FGF16: variants seen among roughly 807,000 people sequenced by gnomAD.
The protein encoded by FGF16 is metacarpal 4-5 fusion.
In FGF16, 2 loss-of-function variants were observed where a neutral mutation model predicts 8.5. The observed-to-expected ratio is 0.24, with a 90% CI of 0.10 to 0.75. The LOEUF (loss-of-function observed/expected upper bound fraction) is 0.75. FGF16 is among the 30% of genes least tolerant of loss of function. FGF16 has a pLI of 0.74. For missense variants in FGF16, 79 were observed against 87.4 expected, an observed-to-expected ratio of 0.90 and a Z score of 0.38; for synonymous variants, 33 against 34.6, an observed-to-expected ratio of 0.95 and a Z score of 0.16.
At chrX:77,449,485 C>G (rs1313521702) in intron 1 of FGF16, among the ~76,000 whole-genome samples, 2 of 110,522 alleles carry the variant, frequency 1.8e-5, no homozygotes, top group African/African-American at 6.6e-5. Context: ...CCTGAAATGG[C>G]ATAAAGATAC....
chrX:77,447,531 C>T lies in FGF16; in HGVS notation c.-144C>T. The stretch of plus-strand genomic sequence containing the variant: ...GGACGCGAACAGACGTCGACTGCAG[C>T]TCGGCAGAGCGCGGAGCAAGCGAGC... On this transcript the variant is annotated 5_prime_UTR_variant, in exon 1 of 3. Transcript: ENST00000439435. 1 of 284,485 alleles carries T rather than the reference C, an allele frequency of 3.5e-6. No homozygotes were observed. The highest frequency in any genetic ancestry group is 6.2e-6 in the Non-Finnish European group (1 of 161,980). 23.4% of individuals were successfully genotyped at this position (284,485 alleles called of 1,213,427 possible).
chrX:77,455,887 T>C (rs1468800994), intron 2 of FGF16, among the ~76,000 whole-genome samples: 2 of 111,882 alleles, frequency 1.8e-5, no homozygotes, highest in African/African-American at 6.5e-5. Flanking sequence ...TGCCTGTTAG[T>C]TGACATGGTT....
At chrX:77,448,225 C>T (rs1341569558) in intron 1 of FGF16, among the ~76,000 whole-genome samples, 2 of 113,177 alleles carry the variant, frequency 1.8e-5, no homozygotes, top group African/African-American at 6.4e-5. Context: ...GTTCTGGGAG[C>T]TGGACTCTAA....
At position 77,456,628 on chromosome X, in the gene FGF16, T is replaced by A; in HGVS notation, c.*106T>A. The A allele has an allele frequency of 1.2e-6, 1 of 814,759 alleles. No homozygotes were observed. The highest frequency in any genetic ancestry group is 1.8e-6 in the Non-Finnish European group (1 of 566,363). 67.1% of individuals were successfully genotyped at this position (814,759 alleles called of 1,213,427 possible). ...AATCCTTCCTTCCTATCATTTTAGA[T>A]AACAGAAAAGCACTTACTGTTGAAC... On this transcript the variant is annotated 3_prime_UTR_variant, in exon 3 of 3. Coordinates refer to ENST00000439435, the MANE Select transcript of FGF16 (RefSeq NM_003868.3).
chrX:77,448,658 C>A (rs1045794386), intron 1 of FGF16, among the ~76,000 whole-genome samples: 4 of 111,763 alleles, frequency 3.6e-5, no homozygotes, highest in African/African-American at 1.3e-4. Flanking sequence ...GTCTCTTGGG[C>A]CCAAAGCAGG....
rs782065899 is a variant in FGF16, at chrX:77,456,419, G to C, written c.521G>C (p.Gly174Ala). 3.3e-6 allele frequency: 4 copies of C among 1,209,653 alleles called. No individual in the cohort carries two copies. In the East Asian group the frequency reaches 1.2e-4, roughly 36 times the overall value. ...ALNKDGSPRE[G>A]YRTKRHQKFT... ...AACAAAGATGGCTCACCCCGGGAGGGATACAGGACTAAACGACACCAGAAA... is the reference window on the plus strand; with the variant it reads ...AACAAAGATGGCTCACCCCGGGAGGCATACAGGACTAAACGACACCAGAAA... Residue 174 changes from glycine to alanine, a missense_variant, in exon 3 of 3, where the codon GGA (glycine) becomes GCA (alanine). Transcript: ENST00000439435.
In FGF16 at chrX:77,456,296, G is replaced by A. The variant is rs2062571813; in HGVS notation, c.398G>A (p.Cys133Tyr). The A allele has an allele frequency of 8.3e-7, 1 of 1,207,549 alleles. No individual in the cohort carries two copies. Among genetic ancestry groups the A allele is most frequent in the African/African-American group, 1.7e-5 (1 of 57,173 alleles). ...LYGSKKLTRE[C>Y]VFREQFEENW... Reference sequence around the variant, plus strand: ...TCACAGAAGAAACTCACACGTGAATGTGTTTTCCGGGAACAGTTTGAAGAA... The same window carrying A: ...TCACAGAAGAAACTCACACGTGAATATGTTTTCCGGGAACAGTTTGAAGAA... The change falls in exon 3 of 3, where the codon TGT becomes TAT. Residue 133 changes from cysteine to tyrosine, a missense_variant. Physicochemically the swap from Cys to Tyr is radical, Grantham distance 194. Coordinates refer to ENST00000439435, the MANE Select transcript of FGF16 (RefSeq NM_003868.3).
rs1014263424 is a variant in FGF16, at chrX:77,456,859, A to G, written c.*337A>G. On this transcript the variant is annotated 3_prime_UTR_variant, in exon 3 of 3. Coordinates refer to ENST00000439435, the MANE Select transcript of FGF16 (RefSeq NM_003868.3). The stretch of plus-strand genomic sequence containing the variant: ...CACAATTTACTCAAATACCTTGACA[A>G]TGGGTATAAATGAAAGGCCAAGGAA... 1.3e-5 allele frequency: 2 copies of G among 148,357 alleles called. No individual in the cohort carries two copies. Among genetic ancestry groups the G allele is most frequent in the African/African-American group, 3.1e-5 (1 of 31,922 alleles). 12.2% of individuals were successfully genotyped at this position (148,357 alleles called of 1,213,427 possible).
At chrX:77,453,209 G>A (rs2062562368) in intron 1 of FGF16, among the ~76,000 whole-genome samples, 1 of 112,047 alleles carries the variant, frequency 8.9e-6, no homozygotes, top group African/African-American at 3.2e-5. Flanking sequence ...ATTACAGGCA[G>A]GAATATCAAA....
Position 77,456,657 on chromosome X carries a change from A to T in FGF16, c.*135A>T. ...AGAAAAGCACTTACTGTTGAACTCA[A>T]CCCAGCTGTTCCCTTGTTGTTCAAA... On this transcript the variant is annotated 3_prime_UTR_variant, in exon 3 of 3. Coordinates refer to ENST00000439435, the MANE Select transcript of FGF16 (RefSeq NM_003868.3). The T allele has an allele frequency of 1.6e-6, 1 of 611,659 alleles. No individual in the cohort carries two copies. Among genetic ancestry groups the T allele is most frequent in the Non-Finnish European group, 2.5e-6 (1 of 397,353 alleles). The allele number at this position is 611,659 out of a possible 1,213,427, so 50.4% of individuals were successfully genotyped here. A position where few individuals can be genotyped will look rare whatever the true frequency, so the allele number is the denominator to read the frequency against.
At chrX:77,448,179 C>A (rs2062546713) in intron 1 of FGF16, among the ~76,000 whole-genome samples, 1 of 113,357 alleles carries the variant, frequency 8.8e-6, no homozygotes, top group Non-Finnish European at 1.9e-5. Flanking sequence ...TCTCCTTTCG[C>A]CGCTCCACAG....
intron 1 of FGF16, among the ~76,000 whole-genome samples, chrX:77,449,142 T>C (rs1036302224): frequency 3.6e-5 from 4 of 111,504 alleles, no homozygotes; most frequent in South Asian, 7.5e-4. Context: ...AAGGGGAACA[T>C]AGGGGCCAGT....
In FGF16 at chrX:77,447,565, G is replaced by A. The variant is rs951863022; in HGVS notation, c.-110G>A. On this transcript the variant is annotated 5_prime_UTR_variant, in exon 1 of 3. Transcript: ENST00000439435. ...GCGCGGAGCAAGCGAGCTAGCGAGG[G>A]AGCGCCGCCGAACCGCCCGCGCCCG... is the stretch of plus-strand genomic sequence containing the variant. The A allele has an allele frequency of 7.0e-6, 2 of 286,433 alleles. No homozygotes were observed. The highest frequency in any genetic ancestry group is 2.8e-5 in the African/African-American group (1 of 36,118). The allele number at this position is 286,433 out of a possible 1,213,427, so 23.6% of individuals were successfully genotyped here. A position where few individuals can be genotyped will look rare whatever the true frequency, so the allele number is the denominator to read the frequency against.
intron 1 of FGF16, among the ~76,000 whole-genome samples, chrX:77,448,713 T>C (rs1243159197): frequency 3.6e-5 from 4 of 112,087 alleles, no homozygotes; most frequent in African/African-American, 1.3e-4. Flanking sequence ...CCTGCCACTA[T>C]ACAAACTGTT....
At chrX:77,452,200 CT>C (rs1285954582) in intron 1 of FGF16, among the ~76,000 whole-genome samples, 2 of 112,275 alleles carry the variant, frequency 1.8e-5, no homozygotes, top group Non-Finnish European at 3.8e-5. Flanking sequence ...CTTGAAATCT[CT>C]TTGGATATTG....
At chrX:77,452,176 C>T (rs1182134689) in intron 1 of FGF16, among the ~76,000 whole-genome samples, 2 of 112,103 alleles carry the variant, frequency 1.8e-5, no homozygotes, top group African/African-American at 6.5e-5. Flanking sequence ...GGAGCCACTC[C>T]ATTTTTCCAT....
Position 77,456,373 on chromosome X carries a change from A to G in FGF16, c.475A>G (p.Arg159Gly). ...STLYKHSDSE[R>G]QYYVALNKDG... ...CTTGTACAAACATTCGGACTCAGAG[A>G]GACAGTATTACGTGGCCCTGAACAA... The change falls in exon 3 of 3, where the codon AGA becomes GGA. Residue 159 changes from arginine to glycine, a missense_variant. Transcript: ENST00000439435. 1.7e-6 allele frequency: 2 copies of G among 1,210,775 alleles called. No individual in the cohort carries two copies. The highest frequency in any genetic ancestry group is 2.2e-6 in the Non-Finnish European group (2 of 894,596).
intron 1 of FGF16, among the ~76,000 whole-genome samples, chrX:77,450,464 G>A (rs1161811012): frequency 8.9e-6 from 1 of 112,550 alleles, no homozygotes; most frequent in Non-Finnish European, 1.9e-5. Context: ...AGTTCACAAG[G>A]ATACTGACAT....
Position 77,454,272 on chromosome X carries a change from G to GTTTT in FGF16, c.378+39_378+42dup, listed in dbSNP as rs782034788. 1,011 of 150,262 alleles carry GTTTT rather than the reference G, an allele frequency of 6.7e-3. 2 individuals are homozygous for GTTTT. The highest frequency in any genetic ancestry group is 7.8e-3 in the Non-Finnish European group (685 of 87,649). The allele number at this position is 150,262 out of a possible 1,213,427, so 12.4% of individuals were successfully genotyped here. A position where few individuals can be genotyped will look rare whatever the true frequency, so the allele number is the denominator to read the frequency against. ...AACTCTATGGGTCGGTAAGTTTAAG[G>GTTTT]TTTTTTTTTTTTTTTTTTTTTTTTT... On this transcript the variant is annotated intron_variant, in intron 2 of 2. Transcript: ENST00000439435.
Sources: gnomAD v4.1 joint callset for allele counts (sites outside exome capture counted in the v4.1 genomes callset) on GRCh38, gnomAD v4.1.1 for gene constraint, MANE v1.5 for transcripts, NCBI Gene and HGNC (gene_info 2026-07-23, HGNC 2026-07-21) for gene names.